The following NSD2 variants were observed in gnomAD, a reference collection of about 807,000 sequenced individuals.
NSD2 encodes histone-lysine N-methyltransferase NSD2.
Under a neutral mutation model 139.0 loss-of-function variants are expected in NSD2, and 12 were observed. The observed-to-expected ratio is 0.09, with a 90% CI of 0.06 to 0.14. The LOEUF (loss-of-function observed/expected upper bound fraction) is 0.14. NSD2 is among the 10% of genes least tolerant of loss of function. The pLI is 1.00. For synonymous variants in NSD2, 669 were observed against 648.7 expected (o/e 1.03, Z -0.48); for missense variants, 1,155 against 1,745.0 (o/e 0.66, Z 6.02).
chr4:1,912,323 T>TC, intron 3 of NSD2: 1 of 162,542 alleles, frequency 6.2e-6, no homozygotes. Context: ...TCTATTTCTT[T>TC]CCCCCCATTC....
At chr4:1,894,445 C>T (rs756500482) in intron 1 of NSD2, among the ~76,000 whole-genome samples, 2 of 151,974 alleles carry the variant, frequency 1.3e-5, no homozygotes, top group Non-Finnish European at 2.9e-5. Context: ...ACCTGTAATC[C>T]TACCACTTTG....
intron 5 of NSD2, among the ~76,000 whole-genome samples, chr4:1,920,986 C>T (rs1188938521): frequency 6.6e-6 from 1 of 152,120 alleles, no homozygotes; most frequent in Non-Finnish European, 1.5e-5. Context: ...TGTGGTGAAC[C>T]ATGATCATGC....
chr4:1,874,892 CT>C (rs1275162432), intron 1 of NSD2, among the ~76,000 whole-genome samples: 2 of 152,160 alleles, frequency 1.3e-5, no homozygotes, highest in African/African-American at 2.4e-5. Context: ...ACAGCGAGTA[CT>C]TTGGGGGAGA....
At position 1,978,892 on chromosome 4, in the gene NSD2, G is replaced by A. The variant is rs757420003; in HGVS notation, c.4081G>A (p.Val1361Ile). Residue 1361 changes from valine (V) to isoleucine (I), a missense_variant, in exon 22 of 22, where the codon GTC becomes ATC. Around this residue, in one of 8 missense-constraint regions of NSD2, gnomAD observed 132 missense variants for 94.3 expected, o/e 1.40. Coordinates refer to ENST00000508803, the MANE Select transcript of NSD2 (RefSeq NM_001042424.3). ...KRRRRRGWRR[V>I]TEGK is the part of the protein sequence containing the mutation. ...GCGGCGGCGGAGGGGCTGGCGGAGAGTCACAGAGGGCAAATAGCGCCAGGC... is the reference window on the plus strand; with the variant it reads ...GCGGCGGCGGAGGGGCTGGCGGAGAATCACAGAGGGCAAATAGCGCCAGGC... 5.1e-6 allele frequency: 8 copies of A among 1,560,980 alleles called. No individual in the cohort carries two copies. Among genetic ancestry groups the A allele is most frequent in the Non-Finnish European group, 8.7e-7 (1 of 1,151,270 alleles).
intron 1 of NSD2, among the ~76,000 whole-genome samples, chr4:1,895,949 G>A (rs1280839046): frequency 6.6e-6 from 1 of 152,234 alleles, no homozygotes; most frequent in Non-Finnish European, 1.5e-5. Context: ...TGTGACCACA[G>A]ACACTCACCT....
At position 1,979,640 on chromosome 4, in the gene NSD2, G is replaced by A. The variant is rs886059322; in HGVS notation, c.*731G>A. The stretch of plus-strand genomic sequence containing the variant: ...CGGAGCACTTTCGAGGCCTGGCCGG[G>A]TTGGGCCTACTTCTCACCTGGGCCT... On this transcript the variant is annotated 3_prime_UTR_variant, in exon 22 of 22. Transcript: ENST00000508803. 33 of 232,524 alleles carry A rather than the reference G, an allele frequency of 1.4e-4. No homozygotes were observed. Among genetic ancestry groups the A allele is most frequent in the Non-Finnish European group, 2.2e-4 (26 of 117,668 alleles). 14.4% of individuals were successfully genotyped at this position (232,524 alleles called of 1,614,324 possible). A position where few individuals can be genotyped will look rare whatever the true frequency, so the allele number is the denominator to read the frequency against.
intron 9 of NSD2, chr4:1,941,216 A>G (rs1723057785): frequency 9.5e-7 from 1 of 1,055,484 alleles, no homozygotes; most frequent in African/African-American, 1.7e-5. Flanking sequence ...CCAAAGAAGA[A>G]TATTAAACAT....
chr4:1,965,051 C>CAAAAA (rs555374240), intron 18 of NSD2, among the ~76,000 whole-genome samples: 38 of 47,122 alleles, frequency 8.1e-4, no homozygotes, highest in Admixed American at 1.4e-3. Flanking sequence ...CAGTGTTCAG[C>CAAAAA]AAAAAAAAAA....
Position 1,976,574 on chromosome 4 carries a change from G to C in NSD2, c.3721G>C (p.Glu1241Gln), listed in dbSNP as rs774737951. 6.2e-7 allele frequency: 1 copy of C among 1,613,248 alleles called. No individual in the cohort carries two copies. The highest frequency in any genetic ancestry group is 1.7e-5 in the Admixed American group (1 of 59,866). ...GGAAGGGAAGAGGCAGTCAGAGGAC[G>C]AGTGCTTCCGCTGCGGTGATGGCGG... is the stretch of plus-strand genomic sequence containing the variant. ...KGEGKRQSED[E>Q]CFRCGDGGQL... Residue 1241 changes from glutamate to glutamine, a missense_variant, in exon 21 of 22, where the codon GAG (glutamate) becomes CAG (glutamine). By Grantham distance (29) the Glu-to-Gln change is conservative. Around this residue, in one of 8 missense-constraint regions of NSD2, gnomAD observed 39 missense variants for 43.5 expected, o/e 0.90. Transcript: ENST00000508803. The surrounding 1 kb of genome is among the most constrained non-coding windows in gnomAD (Gnocchi z 5.3).
chr4:1,938,325 C>T (rs1354856732), intron 7 of NSD2, 126 bp from the exon 8 acceptor site: 4 of 769,550 alleles, frequency 5.2e-6, no homozygotes, highest in Non-Finnish European at 7.6e-6. Flanking sequence ...AACCTGTGTT[C>T]ATTCACATGA....
intron 5 of NSD2, 158 bp downstream of exon 5, chr4:1,918,781 T>C: frequency 9.6e-7 from 1 of 1,046,994 alleles, no homozygotes; most frequent in Non-Finnish European, 1.3e-6. Flanking sequence ...ACAGCCATTC[T>C]GACCCTTGAG....
intron 6 of NSD2, among the ~76,000 whole-genome samples, chr4:1,931,731 TAA>T (rs1721658748): frequency 6.6e-6 from 1 of 152,210 alleles, no homozygotes; most frequent in Non-Finnish European, 1.5e-5. Context: ...GCTATCTCAT[TAA>T]TCTTGAATTT....
At chr4:1,929,169 G>A (rs975101647) in intron 5 of NSD2, among the ~76,000 whole-genome samples, 4 of 152,016 alleles carry the variant, frequency 2.6e-5, no homozygotes, top group African/African-American at 9.7e-5. Context: ...GGACAAGAGG[G>A]AGTGGAGCAC....
intron 18 of NSD2, among the ~76,000 whole-genome samples, chr4:1,962,829 C>G (rs1449643929): frequency 6.6e-6 from 1 of 152,158 alleles, no homozygotes; most frequent in Non-Finnish European, 1.5e-5. Context: ...TGCCACCACA[C>G]CTGGCTGATG....
In NSD2 at chr4:1,958,156, G is replaced by A. The variant is rs2108966564; in HGVS notation, c.2985+120G>A. The A allele has an allele frequency of 9.9e-7, 1 of 1,014,484 alleles. No homozygotes were observed. The highest frequency in any genetic ancestry group is 1.5e-6 in the Non-Finnish European group (1 of 681,006). 62.8% of individuals were successfully genotyped at this position (1,014,484 alleles called of 1,614,324 possible). A position where few individuals can be genotyped will look rare whatever the true frequency, so the allele number is the denominator to read the frequency against. ...GGACTGTCACCAGCCAGGATCTGTG[G>A]TGCCTGGCATGGATGGCCACACAAG... On this transcript the variant is annotated intron_variant, in intron 16 of 21. Coordinates refer to ENST00000508803, the MANE Select transcript of NSD2 (RefSeq NM_001042424.3). This position sits in a 1 kb window ranked among gnomAD's most constrained non-coding sequence, Gnocchi z 4.6.
intron 12 of NSD2, among the ~76,000 whole-genome samples, chr4:1,953,987 ATT>A (rs750322460): frequency 2.5e-4 from 33 of 133,296 alleles, no homozygotes; most frequent in African/African-American, 8.7e-4. Context: ...ATTTTTGTAA[ATT>A]TTTTTTTTTT....
intron 1 of NSD2, among the ~76,000 whole-genome samples, chr4:1,893,042 A>C (rs916608897): frequency 4.6e-5 from 7 of 152,080 alleles, no homozygotes; most frequent in Admixed American, 4.6e-4. Flanking sequence ...TTCTTCCTAC[A>C]ACAGCACTTC....
chr4:1,946,686 T>C, intron 9 of NSD2: 2 of 1,040,316 alleles, frequency 1.9e-6, no homozygotes, highest in Non-Finnish European at 2.3e-6. Flanking sequence ...ATGTTAGAAA[T>C]TACCACTAAT....
chr4:1,936,052 A>C (rs538996096), intron 7 of NSD2, among the ~76,000 whole-genome samples: 1 of 152,232 alleles, frequency 6.6e-6, no homozygotes, highest in Non-Finnish European at 1.5e-5. Flanking sequence ...GTTATTGTTT[A>C]CTGAATGGGA....
Sources: allele counts gnomAD v4.1 joint callset (sites outside exome capture counted in the v4.1 genomes callset), GRCh38; gene constraint gnomAD v4.1.1; regional missense constraint gnomAD v4.1.1; non-coding constraint Gnocchi (gnomAD v3.1); transcripts MANE v1.5; gene names NCBI Gene and HGNC (gene_info 2026-07-23, HGNC 2026-07-21).